The following SH3GLB2 variants were observed in gnomAD, a reference collection of about 807,000 sequenced individuals.
SH3GLB2 encodes the protein SH3 domain containing GRB2 like, endophilin B2.
Under a neutral mutation model 48.0 loss-of-function variants are expected in SH3GLB2, and 24 were observed. That is an observed-to-expected ratio of 0.50 (90% CI 0.36 to 0.70). The LOEUF is 0.70. Among genes scored for constraint, SH3GLB2 ranks in the 30% least tolerant of loss-of-function variants. SH3GLB2 has a pLI of 0.00. For synonymous variants in SH3GLB2, 227 were observed against 207.6 expected (o/e 1.09, Z -0.80); for missense variants, 425 against 516.0 (o/e 0.82, Z 1.71).
At chr9:129,012,007 T>C (rs1843152667) in intron 6 of SH3GLB2, 2 of 390,728 alleles carry the variant, frequency 5.1e-6, no homozygotes, top group Non-Finnish European at 9.0e-6. Flanking sequence ...GCTCCAGCGT[T>C]TTGCAGAGGG....
Position 129,021,222 on chromosome 9 carries a change from G to A in SH3GLB2, c.206-3C>T. 6.2e-7 allele frequency: 1 copy of A among 1,600,466 alleles called. No homozygotes were observed. The highest frequency in any genetic ancestry group is 8.5e-7 in the Non-Finnish European group (1 of 1,174,858). ...CAGGAACTCCTCCACTCGGGCACCT[G>A]TGGGGAGACAGCAGCCAAAGCCACA... On this transcript the variant is annotated splice_polypyrimidine_tract_variant and splice_region_variant and intron_variant, in intron 2 of 10. Transcript: ENST00000372564.
intron 1 of SH3GLB2, among the ~76,000 whole-genome samples, chr9:129,023,576 T>C (rs568636252): frequency 6.6e-6 from 1 of 152,160 alleles, no homozygotes; most frequent in East Asian, 1.9e-4. Flanking sequence ...GAGGGCTGTT[T>C]CCCATTTCAC....
chr9:129,021,298 G>A, intron 2 of SH3GLB2, 79 bp from the exon 3 acceptor site: 3 of 1,467,654 alleles, frequency 2.0e-6, no homozygotes, highest in Non-Finnish European at 2.7e-6. Flanking sequence ...CCCAGACCCG[G>A]CCCTGCCCAC....
chr9:129,026,899 C>T (rs563940306), intron 1 of SH3GLB2, among the ~76,000 whole-genome samples: 1 of 152,310 alleles, frequency 6.6e-6, no homozygotes, highest in East Asian at 1.9e-4. Flanking sequence ...CGCTGGGATG[C>T]TAATCCTCAG....
rs1842907110 is a variant in SH3GLB2 at position 129,008,714 on chromosome 9, G to A, written c.1158C>T (p.Val386=). 1 of 1,614,030 alleles carries A rather than the reference G, an allele frequency of 6.2e-7. No homozygotes were observed. The highest frequency in any genetic ancestry group is 1.3e-5 in the African/African-American group (1 of 74,930). Reference sequence around the variant, plus strand: ...TGAGCAGTTCCAAGTAGGTGACAGGGACCTTGCCCTTCTTGTTGCCTCTCT... The same window carrying A: ...TGAGCAGTTCCAAGTAGGTGACAGGAACCTTGCCCTTCTTGTTGCCTCTCT... ...IGERGNKKGK[V]PVTYLELLS is the part of the protein sequence containing the mutation. The change falls in exon 11 of 11, where the codon GTC becomes GTT. Residue 386 remains valine (V), a synonymous_variant. Coordinates refer to ENST00000372564, the MANE Select transcript of SH3GLB2 (RefSeq NM_020145.4).
chr9:129,008,927 ACTT>A, intron 10 of SH3GLB2, 136 bp from the exon 11 acceptor site: 1 of 1,289,314 alleles, frequency 7.8e-7, no homozygotes, highest in Non-Finnish European at 1.1e-6. Context: ...CGCTCATCTC[ACTT>A]GCTCCAGAGA....
intron 2 of SH3GLB2, 27 bp from the exon 3 acceptor site, chr9:129,021,246 C>A: frequency 6.3e-7 from 1 of 1,587,446 alleles, no homozygotes; most frequent in Non-Finnish European, 8.6e-7. Context: ...GCCAAAGCCA[C>A]AGGGCTCCTT....
In SH3GLB2 at chr9:129,009,125, A is replaced by G. The variant is rs1213876609; in HGVS notation, c.1061T>C (p.Leu354Pro). 6.2e-7 allele frequency: 1 copy of G among 1,609,838 alleles called. No homozygotes were observed. Among genetic ancestry groups the G allele is most frequent in the East Asian group, 2.2e-5 (1 of 44,878 alleles). ...GCCCACCTCATCAGCCAGCAGGGCC[A>G]GCTCACTGCTGTCGGCTGCCTCGTA... ...YDYEAADSSE[L>P]ALLADELITV... Residue 354 changes from leucine (L) to proline (P), a missense_variant, in exon 10 of 11, where the codon CTG becomes CCG. Leu to Pro is a moderately conservative substitution (Grantham distance 98). Transcript: ENST00000372564.
chr9:129,022,837 G>A (rs530085419), intron 1 of SH3GLB2, among the ~76,000 whole-genome samples: 1 of 152,194 alleles, frequency 6.6e-6, no homozygotes, highest in East Asian at 1.9e-4. Flanking sequence ...AGGGTCTGGG[G>A]TTATCAGGGG....
At chr9:129,026,672 C>T (rs981943472) in intron 1 of SH3GLB2, among the ~76,000 whole-genome samples, 8 of 152,184 alleles carry the variant, frequency 5.3e-5, no homozygotes, top group African/African-American at 1.9e-4. Flanking sequence ...AGAGCCCTGG[C>T]CAGGTCAGGC....
intron 5 of SH3GLB2, chr9:129,013,185 G>T: frequency 1.4e-6 from 1 of 696,150 alleles, no homozygotes; most frequent in Non-Finnish European, 2.5e-6. Flanking sequence ...CCTAACGTGT[G>T]CGTGCTTATG....
chr9:129,013,614 G>A (rs17485702), intron 5 of SH3GLB2: 5,367 of 175,290 alleles, frequency 0.031, 263 homozygotes, highest in African/African-American at 0.11. Context: ...GGAGGGGAAC[G>A]CAAGGTGCAT....
At chr9:129,023,784 T>C (rs1843964615) in intron 1 of SH3GLB2, among the ~76,000 whole-genome samples, 1 of 152,058 alleles carries the variant, frequency 6.6e-6, no homozygotes, top group South Asian at 2.1e-4. Flanking sequence ...CTGCCAGGGG[T>C]ATGGCCTCAG....
intron 3 of SH3GLB2, among the ~76,000 whole-genome samples, chr9:129,020,596 G>T (rs1441417133): frequency 2.6e-5 from 4 of 151,778 alleles, no homozygotes; most frequent in Middle Eastern, 3.4e-3. Flanking sequence ...GGCCGGGCGC[G>T]GTGGCTCACG....
At chr9:129,025,263 CA>C (rs530346854) in intron 1 of SH3GLB2, among the ~76,000 whole-genome samples, 1,001 of 33,462 alleles carry the variant, frequency 0.03, 7 homozygotes, top group African/African-American at 0.086. Context: ...GACTCCGTCT[CA>C]AAAAAAAAAA....
intron 1 of SH3GLB2, 25 bp downstream of exon 1, chr9:129,028,067 C>T: frequency 2.0e-6 from 3 of 1,497,388 alleles, no homozygotes; most frequent in African/African-American, 1.5e-5. Context: ...GGGCCCCCGG[C>T]GCACGGCGCG....
In SH3GLB2 at chr9:129,009,316, C is replaced by G. The variant is rs1420163531; in HGVS notation, c.870G>C (p.Glu290Asp). ...TGCTGCTCAGGGGTGGGGAGGCGGG[C>G]TCTGTGGTGCCCACGAAGGTGCCGG... ...RFPGTFVGTTEPASPPLSSTS... is the reference protein window; with the variant it reads ...RFPGTFVGTTDPASPPLSSTS... Residue 290 changes from glutamate to aspartate, a missense_variant, in exon 10 of 11, where the codon GAG becomes GAC. Transcript: ENST00000372564. 6.5e-7 allele frequency: 1 copy of G among 1,544,786 alleles called. No individual in the cohort carries two copies. The highest frequency in any genetic ancestry group is 8.7e-7 in the Non-Finnish European group (1 of 1,143,064).
At position 129,028,299 on chromosome 9, in the gene SH3GLB2, C is replaced by T. The variant is rs865980310; in HGVS notation, c.-145G>A. On this transcript the variant is annotated 5_prime_UTR_variant, in exon 1 of 11. Transcript: ENST00000372564. ...CTGCCGGCCTGCCCGCCTGCCCGCC[C>T]GCCGCAGCCGCCGAGCCAGCCCGAG... 3.6e-5 allele frequency: 14 copies of T among 392,954 alleles called. No homozygotes were observed. The highest frequency in any genetic ancestry group is 2.1e-4 in the Admixed American group (3 of 14,462). 24.3% of individuals were successfully genotyped at this position (392,954 alleles called of 1,614,324 possible). A position where few individuals can be genotyped will look rare whatever the true frequency, so the allele number is the denominator to read the frequency against.
rs1301064227 is a variant in SH3GLB2, at chr9:129,028,132, A to G, written c.23T>C (p.Leu8Pro). MDFNMKK[L>P]ASDAGIFFTR... Reference sequence around the variant, plus strand: ...GAAGAAGATGCCCGCGTCCGACGCCAGCTTCTTCATGTTGAAGTCCATGGC... The same window carrying G: ...GAAGAAGATGCCCGCGTCCGACGCCGGCTTCTTCATGTTGAAGTCCATGGC... Residue 8 changes from leucine to proline, a missense_variant, in exon 1 of 11, where the codon CTG (leucine) becomes CCG (proline). Physicochemically the swap from Leu to Pro is moderately conservative, Grantham distance 98. Coordinates refer to ENST00000372564, the MANE Select transcript of SH3GLB2 (RefSeq NM_020145.4). 2.0e-6 allele frequency: 3 copies of G among 1,496,088 alleles called. No homozygotes were observed. The highest frequency in any genetic ancestry group is 2.7e-6 in the Non-Finnish European group (3 of 1,125,332). 92.7% of individuals were successfully genotyped at this position (1,496,088 alleles called of 1,614,324 possible).
Sources: gnomAD v4.1 joint callset for allele counts (sites outside exome capture counted in the v4.1 genomes callset) on GRCh38, gnomAD v4.1.1 for gene constraint, MANE v1.5 for transcripts, NCBI Gene and HGNC (gene_info 2026-07-23, HGNC 2026-07-21) for gene names.